The following ADAM12 variants were observed in gnomAD, a reference collection of about 807,000 sequenced individuals.
The protein encoded by ADAM12 is ADAM metallopeptidase domain 12, also known as disintegrin and metalloproteinase domain-containing protein 12.
A neutral mutation model predicts 106.4 loss-of-function variants in ADAM12; 70 were observed. The ratio of observed to expected loss-of-function variants is 0.66; its 90% CI spans 0.54 to 0.80. The LOEUF (loss-of-function observed/expected upper bound fraction) is 0.80. Among genes scored for constraint, ADAM12 ranks in the 30% least tolerant of loss-of-function variants. ADAM12 has a pLI of 0.00. For synonymous variants in ADAM12, 420 were observed against 433.5 expected, an observed-to-expected ratio of 0.97 and a Z score of 0.39; for missense variants, 1,010 against 1,171.9, an observed-to-expected ratio of 0.86 and a Z score of 2.02.
At chr10:126,038,914 G>T (rs1159828325) in intron 19 of ADAM12, among the ~76,000 whole-genome samples, 1 of 149,394 alleles carries the variant, frequency 6.7e-6, no homozygotes, top group Non-Finnish European at 1.5e-5. Flanking sequence ...AAAATGAAGT[G>T]AGAAGCAGTT....
At chr10:126,145,826 T>G (rs1280224669) in intron 4 of ADAM12, among the ~76,000 whole-genome samples, 3 of 152,328 alleles carry the variant, frequency 2.0e-5, no homozygotes, top group Middle Eastern at 3.4e-3. Flanking sequence ...AAACATTTGT[T>G]GAATTAGTGC....
At chr10:126,157,033 G>GGC (rs979239554) in intron 3 of ADAM12, among the ~76,000 whole-genome samples, 19 of 151,670 alleles carry the variant, frequency 1.3e-4, no homozygotes, top group African/African-American at 4.4e-4. Context: ...GTGTGTGTGT[G>GGC]GGGGGGTGCT....
intron 2 of ADAM12, among the ~76,000 whole-genome samples, chr10:126,304,081 A>G (rs1960738349): frequency 6.6e-6 from 1 of 152,140 alleles, no homozygotes; most frequent in Admixed American, 6.5e-5. Context: ...CATCCTTGGG[A>G]GAATTGAGAA....
At chr10:126,237,505 T>C (rs1384747624) in intron 3 of ADAM12, among the ~76,000 whole-genome samples, 1 of 152,224 alleles carries the variant, frequency 6.6e-6, no homozygotes, top group Admixed American at 6.5e-5. Flanking sequence ...ATATCTTCAC[T>C]GGAAACACTT....
chr10:126,030,137 G>A (rs115202104), intron 21 of ADAM12, among the ~76,000 whole-genome samples: 3,134 of 152,314 alleles, frequency 0.021, 95 homozygotes, highest in African/African-American at 0.067. Flanking sequence ...GAATGAAGCA[G>A]ATGTATAAAA....
At chr10:126,299,853 A>G (rs1403841610) in intron 2 of ADAM12, among the ~76,000 whole-genome samples, 1 of 152,128 alleles carries the variant, frequency 6.6e-6, no homozygotes, top group Non-Finnish European at 1.5e-5. Flanking sequence ...CATGTTGGCC[A>G]GGCTGGTCTT....
chr10:126,304,750 C>T (rs1960770525), intron 2 of ADAM12, among the ~76,000 whole-genome samples: 2 of 151,822 alleles, frequency 1.3e-5, no homozygotes. Flanking sequence ...CTGTTAATCA[C>T]CTTAACGCAC....
At chr10:126,371,236 G>A (rs1344107155) in intron 1 of ADAM12, among the ~76,000 whole-genome samples, 1 of 152,166 alleles carries the variant, frequency 6.6e-6, no homozygotes, top group Non-Finnish European at 1.5e-5. Context: ...AACCACACAG[G>A]CAAAATCCCT....
chr10:126,136,928 T>C (rs1401403438), intron 4 of ADAM12, among the ~76,000 whole-genome samples: 3 of 152,364 alleles, frequency 2.0e-5, no homozygotes, highest in Admixed American at 6.5e-5. Flanking sequence ...ACTTTGCTTA[T>C]GGTATTTTTT....
intron 1 of ADAM12, among the ~76,000 whole-genome samples, chr10:126,349,449 T>C (rs76118784): frequency 2.2e-4 from 33 of 152,340 alleles, no homozygotes; most frequent in African/African-American, 7.5e-4. Context: ...ATATCCTGGC[T>C]CAACAACAAA....
At chr10:126,362,960 G>A (rs944697340) in intron 1 of ADAM12, among the ~76,000 whole-genome samples, 6 of 152,166 alleles carry the variant, frequency 3.9e-5, no homozygotes, top group African/African-American at 1.4e-4. Context: ...ACACAAAAAA[G>A]CTACATATTT....
intron 2 of ADAM12, among the ~76,000 whole-genome samples, chr10:126,290,015 G>C (rs1177269738): frequency 1.3e-5 from 2 of 152,168 alleles, no homozygotes; most frequent in Non-Finnish European, 2.9e-5. Flanking sequence ...GGATTATTCA[G>C]ATGGGCCCAA....
chr10:126,031,552 A>G (rs1054289088), intron 21 of ADAM12, among the ~76,000 whole-genome samples: 28 of 152,224 alleles, frequency 1.8e-4, no homozygotes, highest in Non-Finnish European at 1.2e-4. Flanking sequence ...GCTGTTTACC[A>G]GTAACAGCCC....
At chr10:126,237,206 C>A (rs942482666) in intron 3 of ADAM12, among the ~76,000 whole-genome samples, 2 of 152,180 alleles carry the variant, frequency 1.3e-5, no homozygotes, top group Non-Finnish European at 2.9e-5. Context: ...AGATACGTAA[C>A]CCCTTATTTT....
chr10:126,145,817 A>C (rs980847844), intron 4 of ADAM12, among the ~76,000 whole-genome samples: 3 of 152,240 alleles, frequency 2.0e-5, no homozygotes, highest in African/African-American at 7.2e-5. Context: ...ACTATCAGTA[A>C]ACATTTGTTG....
At chr10:126,216,380 A>G (rs1484904428) in intron 3 of ADAM12, among the ~76,000 whole-genome samples, 1 of 152,226 alleles carries the variant, frequency 6.6e-6, no homozygotes, top group African/African-American at 2.4e-5. Flanking sequence ...TTAAAAAGCA[A>G]ACTCCAGGCA....
In ADAM12 at chr10:126,124,389, G is replaced by A. The variant is rs76689422; in HGVS notation, c.417-6165C>T. Among the ~76,000 whole-genome samples the A allele has an allele frequency of 1.3e-3, 192 of 151,480 alleles. 1 individual carries two copies. The East Asian group carries it at 0.033, about 26-fold the overall frequency. On this transcript the variant is annotated intron_variant, in intron 5 of 22. Transcript: ENST00000448723. ...GGCAGCAGTATTACTTAACACATAC[G>A]CACCACAGGGCTTCAGTAATTTCCA...
chr10:126,228,815 C>T (rs1007587708), intron 3 of ADAM12, among the ~76,000 whole-genome samples: 1 of 152,166 alleles, frequency 6.6e-6, no homozygotes, highest in Non-Finnish European at 1.5e-5. Context: ...ATGTTCAAGC[C>T]TCCTCTTTTC....
chr10:126,229,399 A>C (rs1958264346), intron 3 of ADAM12, among the ~76,000 whole-genome samples: 1 of 152,236 alleles, frequency 6.6e-6, no homozygotes, highest in African/African-American at 2.4e-5. Context: ...TGTTTGATGC[A>C]TTTGAAGACT....
Sources: gnomAD v4.1 joint callset for allele counts (sites outside exome capture counted in the v4.1 genomes callset) on GRCh38, gnomAD v4.1.1 for gene constraint, MANE v1.5 for transcripts, NCBI Gene and HGNC (gene_info 2026-07-23, HGNC 2026-07-21) for gene names.